The following MRPL37 variants were observed in gnomAD, a reference collection of about 807,000 sequenced individuals.
MRPL37 encodes mitochondrial ribosomal protein L37.
MRPL37 carries 34 observed loss-of-function variants against 44.1 expected under a neutral mutation model. The observed-to-expected ratio is 0.77, with a 90% CI of 0.59 to 1.03. The LOEUF (loss-of-function observed/expected upper bound fraction) is 1.03, where lower values mean the gene tolerates loss of function less well. Ranked by LOEUF, MRPL37 falls within the 50% of genes least tolerant of loss-of-function variation. The pLI is 0.00. For synonymous variants in MRPL37, 212 were observed against 219.5 expected (o/e 0.97, Z 0.30); for missense variants, 532 against 543.7 (o/e 0.98, Z 0.21).
chr1:54,203,152 A>G (rs1343847429), intron 1 of MRPL37, among the ~76,000 whole-genome samples: 1 of 152,092 alleles, frequency 6.6e-6, no homozygotes, highest in African/African-American at 2.4e-5. Context: ...CATATACACC[A>G]TCTTTTATTT....
downstream of MRPL37, chr1:54,225,237 C>T (rs1644269042): frequency 1.2e-5 from 15 of 1,234,382 alleles, no homozygotes; most frequent in Non-Finnish European, 1.5e-5. Flanking sequence ...TCCCTCCCAA[C>T]CCACCTTCCG....
chr1:54,224,950 AAATC>A (rs1162773772), downstream of MRPL37, among the ~76,000 whole-genome samples: 1 of 135,250 alleles, frequency 7.4e-6, no homozygotes, highest in Non-Finnish European at 1.6e-5. Flanking sequence ...GGAAAAAAAA[AAATC>A]AACCTCCCTG....
chr1:54,219,054 C>G (rs1054931878), downstream of MRPL37, among the ~76,000 whole-genome samples: 1 of 152,218 alleles, frequency 6.6e-6, no homozygotes, highest in African/African-American at 2.4e-5. Context: ...GGACAGGAAC[C>G]TGTGGAGAGC....
At chr1:54,206,058 G>A (rs1001769988) in intron 3 of MRPL37, among the ~76,000 whole-genome samples, 1 of 151,410 alleles carries the variant, frequency 6.6e-6, no homozygotes, top group African/African-American at 2.4e-5. Flanking sequence ...CATTCTGTCT[G>A]GAATACTCTT....
At position 54,205,111 on chromosome 1, in the gene MRPL37, T is replaced by C. The variant is rs142769241; in HGVS notation, c.440T>C (p.Ile147Thr). ...LSLVDDPRNH[I>T]ENQDECVLNV... Reference sequence around the variant, plus strand: ...CTTGTTGATGATCCAAGGAACCACATAGAGAACCAAGACGAGTGCGTTCTG... The same window carrying C: ...CTTGTTGATGATCCAAGGAACCACACAGAGAACCAAGACGAGTGCGTTCTG... Residue 147 changes from isoleucine to threonine, a missense_variant, in exon 2 of 7, where the codon ATA (isoleucine) becomes ACA (threonine). Coordinates refer to ENST00000360840, the MANE Select transcript of MRPL37 (RefSeq NM_016491.4). 406 of 1,614,088 alleles carry C rather than the reference T, an allele frequency of 2.5e-4. 1 individual carries two copies. Among genetic ancestry groups the C allele is most frequent in the Middle Eastern group, 1.6e-3 (10 of 6,062 alleles).
At chr1:54,205,722 C>T (rs190012176) in intron 3 of MRPL37, among the ~76,000 whole-genome samples, 27 of 152,314 alleles carry the variant, frequency 1.8e-4, no homozygotes, top group Admixed American at 1.1e-3. Flanking sequence ...CATGTAGCCT[C>T]CGCCCTCACA....
chr1:54,219,876 T>C (rs1303965979), downstream of MRPL37, among the ~76,000 whole-genome samples: 1 of 152,250 alleles, frequency 6.6e-6, no homozygotes, highest in Non-Finnish European at 1.5e-5. Flanking sequence ...TCTTGCCACA[T>C]CACCACATAG....
In MRPL37 at chr1:54,208,548, C is replaced by CAAAAAA. The variant is rs57185627; in HGVS notation, c.647-1382_647-1377dup. 3.5e-3 allele frequency among the ~76,000 whole-genome samples: 250 copies of CAAAAAA among 70,880 alleles called. 14 individuals carry two copies. Among genetic ancestry groups the CAAAAAA allele is most frequent in the African/African-American group, 0.014 (223 of 16,012 alleles). 46.5% of individuals were successfully genotyped at this position (70,880 alleles called of 152,430 possible). A position where few individuals can be genotyped will look rare whatever the true frequency, so the allele number is the denominator to read the frequency against. ...TGGGCGACAGAGCAAGACTCCGTCTCAAAAAAAAAAAAAAAAAAAAAGAAT... is the reference window on the plus strand; with the variant it reads ...TGGGCGACAGAGCAAGACTCCGTCTCAAAAAAAAAAAAAAAAAAAAAAAAAAAGAAT... On this transcript the variant is annotated intron_variant, in intron 3 of 6. Transcript: ENST00000360840.
downstream of MRPL37, chr1:54,220,962 G>A (rs1212517325): frequency 2.6e-6 from 1 of 377,910 alleles, no homozygotes; most frequent in Admixed American, 3.4e-5. Flanking sequence ...AAGCTTCAGT[G>A]GCAAGGGAAT....
At chr1:54,212,175 A>C (rs886781423) in intron 4 of MRPL37, among the ~76,000 whole-genome samples, 5 of 152,382 alleles carry the variant, frequency 3.3e-5, no homozygotes, top group African/African-American at 1.2e-4. Context: ...ACAGGTTGGC[A>C]GGCATTTTCT....
intron 4 of MRPL37, 140 bp downstream of exon 4, chr1:54,210,271 C>A: frequency 1.3e-6 from 1 of 746,104 alleles, no homozygotes; most frequent in Non-Finnish European, 2.1e-6. Context: ...CATGTGGCAG[C>A]CCCATGAGAC....
chr1:54,212,797 C>T (rs893735929), intron 5 of MRPL37, 139 bp downstream of exon 5: 3 of 1,214,850 alleles, frequency 2.5e-6, no homozygotes, highest in African/African-American at 1.5e-5. Context: ...TACTTCAGCC[C>T]ACCCTGTGGA....
chr1:54,219,702 C>T, downstream of MRPL37, among the ~76,000 whole-genome samples: 1 of 152,262 alleles, frequency 6.6e-6, no homozygotes, highest in East Asian at 1.9e-4. Context: ...TGATCCCTAG[C>T]TAGTCCTTTT....
At chr1:54,214,400 T>C (rs1644184319) in intron 5 of MRPL37, among the ~76,000 whole-genome samples, 1 of 152,216 alleles carries the variant, frequency 6.6e-6, no homozygotes, top group African/African-American at 2.4e-5. Context: ...ACCTTGTGTC[T>C]TTCCAATCCT....
downstream of MRPL37, chr1:54,225,003 G>A (rs1644266247): frequency 1.0e-6 from 1 of 999,356 alleles, no homozygotes; most frequent in Non-Finnish European, 1.3e-6. Flanking sequence ...GAGGCTGGGG[G>A]CCTGGGGTGA....
At chr1:54,207,050 C>G (rs1644129244) in intron 3 of MRPL37, among the ~76,000 whole-genome samples, 1 of 152,214 alleles carries the variant, frequency 6.6e-6, no homozygotes, top group South Asian at 2.1e-4. Flanking sequence ...CCGTGCTTGG[C>G]CCGCTGCTTT....
downstream of MRPL37, among the ~76,000 whole-genome samples, chr1:54,224,854 A>G (rs988180757): frequency 6.6e-6 from 1 of 152,240 alleles, no homozygotes; most frequent in African/African-American, 2.4e-5. Context: ...CTCCCAGGAG[A>G]CCACCAGCAT....
downstream of MRPL37, among the ~76,000 whole-genome samples, chr1:54,222,710 G>A (rs1180519937): frequency 1.6e-4 from 24 of 152,106 alleles, no homozygotes; most frequent in Non-Finnish European, 5.9e-5. Flanking sequence ...CAGTCTGGTG[G>A]CTTTAAAGAC....
downstream of MRPL37, chr1:54,220,655 CCTCA>C (rs1557736129): frequency 2.1e-6 from 1 of 471,876 alleles, no homozygotes; most frequent in Non-Finnish European, 4.4e-6. Flanking sequence ...CCAGCTTCGT[CCTCA>C]CTCCCTCATT....
Sources: allele counts gnomAD v4.1 joint callset (sites outside exome capture counted in the v4.1 genomes callset), GRCh38; gene constraint gnomAD v4.1.1; transcripts MANE v1.5; gene names NCBI Gene and HGNC (gene_info 2026-07-23, HGNC 2026-07-21).